The following NBPF8 variants were observed in gnomAD, a reference collection of about 807,000 sequenced individuals.
The protein encoded by NBPF8 is NBPF family member NBPF8.
At chr1:120,451,906 C>T (rs1378097209) in intron 12 of NBPF8, among the ~76,000 whole-genome samples, 4 of 151,726 alleles carry the variant, frequency 2.6e-5, no homozygotes, top group Non-Finnish European at 5.9e-5. Flanking sequence ...GGAACATCAT[C>T]GAGGATCTTG....
rs1264154427 is a variant in NBPF8 at position 120,463,112 on chromosome 1, G to C, written n.3234+146G>C. ...GGCGCATATAGGTTGTAATGAGACT[G>C]TAGTCTCAGCTGGAAGCCTAGACAT... is the stretch of plus-strand genomic sequence containing the variant. On this transcript the variant is annotated intron_variant and non_coding_transcript_variant, in intron 21 of 24. Coordinates refer to ENST00000583271, the Ensembl canonical transcript of NBPF8. The C allele has an allele frequency of 1.0e-5, 7 of 700,526 alleles. No individual in the cohort carries two copies. In the Admixed American group the frequency reaches 1.2e-4, roughly 12 times the overall value. 43.4% of individuals were successfully genotyped at this position (700,526 alleles called of 1,614,324 possible).
upstream of NBPF8, among the ~76,000 whole-genome samples, chr1:120,415,509 C>T (rs1406867382): frequency 6.6e-6 from 1 of 152,194 alleles, no homozygotes; most frequent in Non-Finnish European, 1.5e-5. Context: ...AAGAAACTCG[C>T]TGGCGGGTGT....
downstream of NBPF8, among the ~76,000 whole-genome samples, chr1:120,467,973 T>A (rs2101707328): frequency 6.6e-6 from 1 of 152,066 alleles, no homozygotes; most frequent in Non-Finnish European, 1.5e-5. Flanking sequence ...CGTGTGTGTG[T>A]CTGTGTGTGC....
chr1:120,416,844 G>A (rs1379541536), upstream of NBPF8, among the ~76,000 whole-genome samples: 1 of 150,856 alleles, frequency 6.6e-6, no homozygotes, highest in Non-Finnish European at 1.5e-5. Flanking sequence ...ATGCCTGTCA[G>A]TTAAAAATTA....
chr1:120,431,281 GTA>G (rs1176558722), intron 3 of NBPF8, among the ~76,000 whole-genome samples: 56 of 119,668 alleles, frequency 4.7e-4, no homozygotes, highest in East Asian at 3.3e-3. Context: ...GTGTGTGTGT[GTA>G]TATTCACCGT....
At chr1:120,432,995 A>G (rs1660926080), upstream of NBPF8, 1 of 152,258 alleles carries the variant, frequency 6.6e-6, no homozygotes, top group South Asian at 2.1e-4. Flanking sequence ...ATTAACAGCC[A>G]GAATCATTAC....
chr1:120,466,048 A>T (rs1293856652), exon 25 of NBPF8: 1 of 1,611,654 alleles, frequency 6.2e-7, no homozygotes, highest in East Asian at 2.2e-5. Flanking sequence ...ATGTTATTCG[A>T]CTCCATCAAT....
intron 3 of NBPF8, among the ~76,000 whole-genome samples, chr1:120,428,339 A>C (rs1310428365): frequency 1.3e-5 from 2 of 152,198 alleles, no homozygotes; most frequent in African/African-American, 4.8e-5. Flanking sequence ...GCTTGCAAAA[A>C]CAAAGTAGCC....
At chr1:120,464,226 C>T (rs1393330693) in intron 22 of NBPF8, 150 bp from the exon 21 acceptor site, 4 of 558,980 alleles carry the variant, frequency 7.2e-6, no homozygotes, top group Non-Finnish European at 3.2e-6. Context: ...CTGTTCTGTC[C>T]CAACATGAAG....
At chr1:120,436,682 C>T (rs1314838288) in exon 1 of NBPF8, 33 of 1,447,988 alleles carry the variant, frequency 2.3e-5, no homozygotes, top group Middle Eastern at 2.3e-4. Flanking sequence ...CCTGGCCAAC[C>T]GACAGAAGAA....
chr1:120,421,960 C>T (rs1404552535), intron 1 of NBPF8, among the ~76,000 whole-genome samples: 3 of 152,050 alleles, frequency 2.0e-5, no homozygotes, highest in Non-Finnish European at 2.9e-5. Context: ...ATTGAAATCT[C>T]CAACTGCTCT....
intron 1 of NBPF8, among the ~76,000 whole-genome samples, chr1:120,421,417 T>C (rs1196723887): frequency 2.0e-5 from 3 of 150,360 alleles, no homozygotes; most frequent in Non-Finnish European, 3.0e-5. Flanking sequence ...CTCTCTCTCT[T>C]TATTCTTTCC....
downstream of NBPF8, among the ~76,000 whole-genome samples, chr1:120,467,939 CGTGA>C (rs1401101137): frequency 4.9e-4 from 73 of 148,996 alleles, no homozygotes; most frequent in African/African-American, 1.8e-3. Flanking sequence ...TTGTATTCTT[CGTGA>C]GTGTGAGAGT....
At chr1:120,425,431 C>T (rs1207215250) in intron 1 of NBPF8, among the ~76,000 whole-genome samples, 1 of 151,958 alleles carries the variant, frequency 6.6e-6, no homozygotes, top group Admixed American at 6.5e-5. Context: ...TTTTTCTTTA[C>T]CTTGTTTATG....
rs1553249230 is a variant in NBPF8 at position 120,453,541 on chromosome 1, C to T, written n.2362+97C>T. On this transcript the variant is annotated intron_variant and non_coding_transcript_variant, in intron 14 of 24. Coordinates refer to ENST00000583271, the Ensembl canonical transcript of NBPF8. ...TGGCATCTATGATGGGTCAAAAACC[C>T]GCATTTGCTTAGCCACAGTATGTGA... 1.8e-4 allele frequency: 189 copies of T among 1,071,314 alleles called. 2 individuals carry two copies. In the East Asian group the frequency reaches 3.8e-3, roughly 22 times the overall value. 66.4% of individuals were successfully genotyped at this position (1,071,314 alleles called of 1,614,324 possible).
intron 12 of NBPF8, 93 bp from the exon 11 acceptor site, chr1:120,452,024 T>G (rs1385349305): frequency 8.7e-6 from 12 of 1,375,474 alleles, no homozygotes; most frequent in Middle Eastern, 2.5e-4. Context: ...CAAGGTCTCC[T>G]TGAGGACATT....
upstream of NBPF8, among the ~76,000 whole-genome samples, chr1:120,434,517 C>G (rs1159409389): frequency 6.7e-6 from 1 of 148,942 alleles, no homozygotes; most frequent in African/African-American, 2.5e-5. Context: ...AGCCCTCACC[C>G]CATGACAGGC....
chr1:120,422,762 A>G (rs1488732012), intron 1 of NBPF8, among the ~76,000 whole-genome samples: 1 of 120,300 alleles, frequency 8.3e-6, no homozygotes, highest in Non-Finnish European at 1.7e-5. Flanking sequence ...TCCACTAGCT[A>G]TGGAGAGTTC....
At chr1:120,459,750 G>A (rs112864682) in intron 17 of NBPF8, among the ~76,000 whole-genome samples, 1 of 152,210 alleles carries the variant, frequency 6.6e-6, no homozygotes, top group Non-Finnish European at 1.5e-5. Flanking sequence ...CGCCATGCCC[G>A]TGCCAACCTG....
Sources: gnomAD v4.1 joint callset for allele counts (sites outside exome capture counted in the v4.1 genomes callset) on GRCh38, gnomAD v4.1.1 for gene constraint, MANE v1.5 for transcripts, NCBI Gene and HGNC (gene_info 2026-07-23, HGNC 2026-07-21) for gene names.